The following MBTPS1 variants were observed in gnomAD, a reference collection of about 807,000 sequenced individuals.
MBTPS1 encodes the protein membrane bound transcription factor peptidase, site 1.
MBTPS1 carries 94 observed loss-of-function variants against 127.8 expected under a neutral mutation model. The observed-to-expected ratio is 0.74, with a 90% CI of 0.62 to 0.87. MBTPS1 has a LOEUF of 0.87. MBTPS1 is among the 40% of genes least tolerant of loss of function. MBTPS1 has a pLI of 0.00. For synonymous variants in MBTPS1, 632 were observed against 509.4 expected (o/e 1.24, Z -3.24); for missense variants, 1,636 against 1,353.2 (o/e 1.21, Z -3.28).
intron 1 of MBTPS1, 30 bp downstream of exon 1, chr16:84,116,705 G>A (rs1166322379): frequency 1.3e-5 from 2 of 152,018 alleles, no homozygotes; most frequent in African/African-American, 4.8e-5. Context: ...GGAGCGGGTC[G>A]GGGAGGCCGC....
Position 84,059,434 on chromosome 16 carries a change from G to A in MBTPS1, c.2705-6C>T. On this transcript the variant is annotated splice_polypyrimidine_tract_variant and splice_region_variant and intron_variant, in intron 20 of 22. Coordinates refer to ENST00000343411, the MANE Select transcript of MBTPS1 (RefSeq NM_003791.4). ...GTACCGATGAAGATGGTTTCCTGTG[G>A]TTAGCAGCAACATCAACAAAAAGGA... 1 of 1,605,642 alleles carries A rather than the reference G, an allele frequency of 6.2e-7. No individual in the cohort carries two copies. The highest frequency in any genetic ancestry group is 8.5e-7 in the Non-Finnish European group (1 of 1,175,656).
At chr16:84,116,205 A>G (rs753751707) in intron 1 of MBTPS1, among the ~76,000 whole-genome samples, 1 of 152,220 alleles carries the variant, frequency 6.6e-6, no homozygotes, top group Non-Finnish European at 1.5e-5. Context: ...TCTTAATAAA[A>G]ATACTGACGA....
At chr16:84,099,534 C>T (rs1056218644) in intron 2 of MBTPS1, among the ~76,000 whole-genome samples, 2 of 152,066 alleles carry the variant, frequency 1.3e-5, no homozygotes, top group Admixed American at 1.3e-4. Context: ...GCCTGTAATC[C>T]CAGCACTTTG....
Position 84,095,790 on chromosome 16 carries a change from G to C in MBTPS1, c.437C>G (p.Pro146Arg), listed in dbSNP as rs773333011. ...LKYAESDPTV[P>R]CNETRWSQKW... ...CTGGCTCCACCGGGTTTCATTGCAGGGTACTGTGGGGTCAGCTACAGGCAA... is the reference window on the plus strand; with the variant it reads ...CTGGCTCCACCGGGTTTCATTGCAGCGTACTGTGGGGTCAGCTACAGGCAA... The change falls in exon 4 of 23, where the codon CCC (proline) becomes CGC (arginine). Residue 146 changes from proline (P) to arginine (R), a missense_variant. Physicochemically the swap from Pro to Arg is moderately radical, Grantham distance 103. Transcript: ENST00000343411. 6.2e-7 allele frequency: 1 copy of C among 1,613,674 alleles called. No homozygotes were observed. Among genetic ancestry groups the C allele is most frequent in the East Asian group, 2.2e-5 (1 of 44,870 alleles).
chr16:84,068,518 G>C, intron 14 of MBTPS1, 64 bp from the exon 15 acceptor site: 2 of 1,190,392 alleles, frequency 1.7e-6, no homozygotes, highest in African/African-American at 1.5e-5. Flanking sequence ...GGCATATCTG[G>C]CCACAGGGCC....
intron 1 of MBTPS1, among the ~76,000 whole-genome samples, chr16:84,109,814 C>A (rs999203838): frequency 2.6e-5 from 4 of 152,132 alleles, no homozygotes; most frequent in Non-Finnish European, 5.9e-5. Context: ...TAAGCCTGCC[C>A]GTGGATCAGA....
At chr16:84,093,858 A>G (rs1006316811) in intron 4 of MBTPS1, 37 bp from the exon 5 acceptor site, 18 of 1,391,066 alleles carry the variant, frequency 1.3e-5, no homozygotes, top group Non-Finnish European at 1.8e-5. Context: ...ATTATGTTTG[A>G]AGAAATCATC....
At position 84,068,422 on chromosome 16, in the gene MBTPS1, TC is replaced by T; in HGVS notation, c.1987del (p.Asp663IlefsTer6). ...CATGCTTCTCAGATGCTGGTACATA[TC>T]CCTGAAATTGGTGTGGATGTGATCA... Reference protein sequence around the residue: ...NGDHIHTNFRDMYQHLRSMGY... With the variant: ...NGDHIHTNFRXMYQHLRSMGY... On this transcript the variant is annotated frameshift_variant, in exon 15 of 23. Coordinates refer to ENST00000343411, the MANE Select transcript of MBTPS1 (RefSeq NM_003791.4). LOFTEE classifies it high-confidence loss of function. 1 of 1,614,052 alleles carries T rather than the reference TC, an allele frequency of 6.2e-7. No homozygotes were observed. The highest frequency in any genetic ancestry group is 8.5e-7 in the Non-Finnish European group (1 of 1,179,892).
intron 5 of MBTPS1, among the ~76,000 whole-genome samples, 184 bp from the exon 6 acceptor site, chr16:84,093,481 C>T (rs2086138067): frequency 6.6e-6 from 1 of 152,144 alleles, no homozygotes; most frequent in African/African-American, 2.4e-5. Flanking sequence ...GGTCTAGCCA[C>T]TCCACGCTCT....
rs78218804 is a variant in MBTPS1, at chr16:84,066,864, A to G, written c.2229-251T>C. Among the ~76,000 whole-genome samples the G allele has an allele frequency of 2.1e-3, 327 of 152,338 alleles. 1 individual carries two copies. The highest frequency in any genetic ancestry group is 7.7e-3 in the African/African-American group (322 of 41,572). On this transcript the variant is annotated intron_variant, in intron 16 of 22. Transcript: ENST00000343411. ...TCAGTACTTTACCGAAATGCACCAG[A>G]GATAACTGCTTAGCCTAGACCCAGC...
chr16:84,081,044 G>T (rs1362669112), intron 11 of MBTPS1, among the ~76,000 whole-genome samples: 3 of 152,238 alleles, frequency 2.0e-5, no homozygotes, highest in African/African-American at 7.2e-5. Flanking sequence ...GGATCCCAGA[G>T]AATGGACCTG....
chr16:84,081,726 T>A (rs374595780), intron 11 of MBTPS1, 21 bp downstream of exon 11: 3 of 1,341,226 alleles, frequency 2.2e-6, no homozygotes, highest in African/African-American at 1.5e-5. Flanking sequence ...GAAAGACCCA[T>A]CGGCAGGGCG....
intron 11 of MBTPS1, among the ~76,000 whole-genome samples, chr16:84,077,995 C>T (rs2085886252): frequency 6.6e-6 from 1 of 151,526 alleles, no homozygotes; most frequent in African/African-American, 2.4e-5. Flanking sequence ...AATAGAGAAA[C>T]ACAAATTAAA....
intron 21 of MBTPS1, among the ~76,000 whole-genome samples, chr16:84,058,677 G>T (rs977777100): frequency 1.3e-5 from 2 of 152,230 alleles, no homozygotes; most frequent in African/African-American, 4.8e-5. Flanking sequence ...GCCACAGAGG[G>T]AAACAGCAGG....
rs1227781824 is a variant in MBTPS1, at chr16:84,054,384, C to T, written c.*65G>A. ...TTTTAAACCAGCCGCCACCACAGCT[C>T]GGCTCACCCACCAGCGCCGTCCGTG... On this transcript the variant is annotated 3_prime_UTR_variant, in exon 23 of 23. Transcript: ENST00000343411. 7.7e-6 allele frequency: 11 copies of T among 1,425,358 alleles called. No homozygotes were observed. The East Asian group carries it at 9.6e-5, about 12-fold the overall frequency. 88.3% of individuals were successfully genotyped at this position (1,425,358 alleles called of 1,614,324 possible).
chr16:84,077,488 G>A (rs1338480285), intron 11 of MBTPS1, among the ~76,000 whole-genome samples: 1 of 152,106 alleles, frequency 6.6e-6, no homozygotes, highest in Non-Finnish European at 1.5e-5. Context: ...TCAAATCACT[G>A]GGGCAAAGAT....
chr16:84,096,827 G>A (rs369097768), intron 3 of MBTPS1, among the ~76,000 whole-genome samples: 6 of 152,224 alleles, frequency 3.9e-5, no homozygotes, highest in African/African-American at 1.4e-4. Flanking sequence ...ATGGGACAAT[G>A]CTGCAGGTGC....
chr16:84,080,701 G>C (rs2085927819), intron 11 of MBTPS1, among the ~76,000 whole-genome samples: 1 of 152,230 alleles, frequency 6.6e-6, no homozygotes, highest in South Asian at 2.1e-4. Context: ...TCTGGTTCAA[G>C]GATTTCCCAT....
Position 84,069,378 on chromosome 16 carries a change from G to A in MBTPS1, c.1955+488C>T, listed in dbSNP as rs539572760. ...GGGGCTTGGCCGGGTGAGGAAGTCA[G>A]AATAGGCAGTCACTGGAGAGCTTGA... On this transcript the variant is annotated intron_variant, in intron 14 of 22. Coordinates refer to ENST00000343411, the MANE Select transcript of MBTPS1 (RefSeq NM_003791.4). Among the ~76,000 whole-genome samples the A allele has an allele frequency of 8.4e-4, 128 of 152,328 alleles. 1 individual carries two copies. Among genetic ancestry groups the A allele is most frequent in the Non-Finnish European group, 1.7e-3 (113 of 68,018 alleles).
Sources: gnomAD v4.1 joint callset for allele counts (sites outside exome capture counted in the v4.1 genomes callset) on GRCh38, gnomAD v4.1.1 for gene constraint, MANE v1.5 for transcripts, NCBI Gene and HGNC (gene_info 2026-07-23, HGNC 2026-07-21) for gene names.